NBEA: variants seen among roughly 807,000 people sequenced by gnomAD.
NBEA encodes neurobeachin, also known as lysosomal-trafficking regulator 2.
Under a neutral mutation model 343.4 loss-of-function variants are expected in NBEA, and 44 were observed. The observed-to-expected ratio is 0.13, with a 90% confidence interval of 0.10 to 0.16. The LOEUF (loss-of-function observed/expected upper bound fraction) is 0.16. NBEA is among the 10% of genes least tolerant of loss of function. The pLI is 1.00. For synonymous variants in NBEA, 1,175 were observed against 1,238.7 expected (o/e 0.95, Z 1.08); for missense variants, 2,555 against 3,631.3 (o/e 0.70, Z 7.62).
intron 1 of NBEA, among the ~76,000 whole-genome samples, chr13:34,950,584 A>G (rs2059320637): frequency 6.6e-6 from 1 of 151,202 alleles, no homozygotes; most frequent in Non-Finnish European, 1.5e-5. Context: ...ATATTTAGAA[A>G]TATTTAATTT....
chr13:35,203,602 A>G (rs2073168255), intron 31 of NBEA, among the ~76,000 whole-genome samples: 1 of 152,196 alleles, frequency 6.6e-6, no homozygotes, highest in Admixed American at 6.5e-5. Context: ...AACTTACGTC[A>G]GTTCCACACA....
chr13:35,530,542 T>C (rs1247605150), intron 41 of NBEA, among the ~76,000 whole-genome samples: 1 of 152,236 alleles, frequency 6.6e-6, no homozygotes, highest in East Asian at 1.9e-4. Flanking sequence ...AATTTTGATC[T>C]GTGCAGTTTT....
intron 34 of NBEA, among the ~76,000 whole-genome samples, chr13:35,254,542 G>A (rs1003777933): frequency 3.3e-5 from 5 of 151,812 alleles, no homozygotes; most frequent in African/African-American, 1.2e-4. Context: ...AGCTGGTCTT[G>A]AATTCCTGGG....
intron 33 of NBEA, among the ~76,000 whole-genome samples, chr13:35,220,825 C>T (rs1290852833): frequency 6.6e-6 from 1 of 152,132 alleles, no homozygotes; most frequent in African/African-American, 2.4e-5. Context: ...CCCATTTTAT[C>T]CTTCTGTTAG....
intron 39 of NBEA, among the ~76,000 whole-genome samples, chr13:35,436,392 CTATTT>C (rs1392479440): frequency 1.3e-5 from 2 of 152,154 alleles, no homozygotes; most frequent in African/African-American, 4.8e-5. Context: ...AATAATGACA[CTATTT>C]CAATTTCCCT....
chr13:35,140,079 T>G (rs900992102), intron 17 of NBEA, among the ~76,000 whole-genome samples: 2 of 152,152 alleles, frequency 1.3e-5, no homozygotes, highest in African/African-American at 4.8e-5. Context: ...TAGAGTGCAG[T>G]GGCACAAGCT....
chr13:34,986,366 G>A (rs1047884745), intron 1 of NBEA, among the ~76,000 whole-genome samples: 4 of 150,886 alleles, frequency 2.7e-5, no homozygotes, highest in Non-Finnish European at 5.9e-5. Context: ...TCTTAATCCT[G>A]AGTTCTAGTT....
At chr13:35,134,197 A>C (rs910844010) in intron 17 of NBEA, among the ~76,000 whole-genome samples, 11 of 152,072 alleles carry the variant, frequency 7.2e-5, no homozygotes, top group Admixed American at 5.9e-4. Context: ...AACTTGATAA[A>C]ATAGAATAAT....
chr13:35,159,013 A>C lies in NBEA; in HGVS notation c.2845-3A>C, dbSNP rs760776237. On this transcript the variant is annotated splice_region_variant and splice_polypyrimidine_tract_variant and intron_variant, in intron 21 of 58. Coordinates refer to ENST00000379939, the MANE Select transcript of NBEA (RefSeq NM_001385012.1). ...CTTAATGTTTTCTTTACTTATTCCT[A>C]AGGTCACTTATGAAGCTCATAAGGA... The C allele has an allele frequency of 5.7e-6, 9 of 1,570,654 alleles. No homozygotes were observed. In the East Asian group the frequency reaches 1.8e-4, roughly 31 times the overall value.
rs151129959 is a variant in NBEA at position 35,215,232 on chromosome 13, G to A, written c.5648+4053G>A. ...AACTCTGTTGAACCTTTTAATTTGA[G>A]GAGACTCTTCATCATAATACTGAGT... On this transcript the variant is annotated intron_variant, in intron 33 of 58. Transcript: ENST00000379939. Among the ~76,000 whole-genome samples the A allele has an allele frequency of 9.2e-5, 14 of 151,584 alleles. No individual in the cohort carries two copies. In the South Asian group the frequency reaches 1.7e-3, roughly 18 times the overall value.
At chr13:35,304,436 C>A (rs2036755141) in intron 35 of NBEA, among the ~76,000 whole-genome samples, 1 of 151,870 alleles carries the variant, frequency 6.6e-6, no homozygotes, top group Non-Finnish European at 1.5e-5. Context: ...CTCACTGCAA[C>A]CTCTGCCTCC....
At chr13:35,148,011 C>G (rs1455599831) in intron 18 of NBEA, among the ~76,000 whole-genome samples, 1 of 152,182 alleles carries the variant, frequency 6.6e-6, no homozygotes. Context: ...CTTGGGACAA[C>G]CAACTGCCAG....
At chr13:35,471,627 G>A (rs2075652750) in intron 40 of NBEA, among the ~76,000 whole-genome samples, 1 of 152,272 alleles carries the variant, frequency 6.6e-6, no homozygotes, top group African/African-American at 2.4e-5. Flanking sequence ...ACAGATTGAG[G>A]GAATTCGAAG....
chr13:35,529,843 A>G (rs1375096187), intron 41 of NBEA, among the ~76,000 whole-genome samples: 3 of 152,198 alleles, frequency 2.0e-5, no homozygotes, highest in East Asian at 3.9e-4. Context: ...GAAAATACTC[A>G]TTTTGTACCA....
At chr13:35,321,269 G>C (rs574628082) in intron 36 of NBEA, among the ~76,000 whole-genome samples, 1 of 152,226 alleles carries the variant, frequency 6.6e-6, no homozygotes, top group South Asian at 2.1e-4. Context: ...CTTCAGTTGA[G>C]GTTTTTGAGT....
At chr13:35,121,001 C>CT (rs1254825956) in intron 16 of NBEA, among the ~76,000 whole-genome samples, 12 of 152,268 alleles carry the variant, frequency 7.9e-5, no homozygotes, top group African/African-American at 2.9e-4. Flanking sequence ...GGGTCTAATA[C>CT]CTTTTTTCCT....
At chr13:35,327,412 G>A (rs563938740) in intron 36 of NBEA, among the ~76,000 whole-genome samples, 5 of 152,186 alleles carry the variant, frequency 3.3e-5, no homozygotes, top group African/African-American at 9.6e-5. Context: ...TAAAGAAAAT[G>A]TGGTATGTAC....
At chr13:34,981,963 C>G (rs954380500) in intron 1 of NBEA, among the ~76,000 whole-genome samples, 5 of 151,596 alleles carry the variant, frequency 3.3e-5, no homozygotes, top group East Asian at 1.9e-4. Flanking sequence ...TTCTCTCTCT[C>G]TCTCTCTCTG....
chr13:35,476,854 G>A (rs1335138855), intron 41 of NBEA: 1 of 997,364 alleles, frequency 1.0e-6, no homozygotes, highest in Non-Finnish European at 1.2e-6. Flanking sequence ...GGCTGCTGCC[G>A]GCGGAAAACC....
Sources: allele counts gnomAD v4.1 joint callset (sites outside exome capture counted in the v4.1 genomes callset), GRCh38; gene constraint gnomAD v4.1.1; transcripts MANE v1.5; gene names NCBI Gene and HGNC (gene_info 2026-07-23, HGNC 2026-07-21).